SPECC1L: variants seen among roughly 807,000 people sequenced by gnomAD.
SPECC1L encodes cytospin-A.
A neutral mutation model predicts 116.8 loss-of-function variants in SPECC1L; 40 were observed. The observed-to-expected ratio is 0.34, with a 90% CI of 0.27 to 0.45. The LOEUF is 0.45. Ranked by LOEUF, SPECC1L falls within the 20% of genes least tolerant of loss-of-function variation. The pLI is 1.00. For synonymous variants in SPECC1L, 504 were observed against 500.6 expected (o/e 1.01, Z -0.09); for missense variants, 1,110 against 1,373.6 (o/e 0.81, Z 3.03).
rs191269809 is a variant in SPECC1L, at chr22:24,295,254, T to C, written c.-37-6941T>C. Among the ~76,000 whole-genome samples, 4 of 151,260 alleles carry C rather than the reference T, an allele frequency of 2.6e-5. No homozygotes were observed. The East Asian group carries it at 7.7e-4, about 29-fold the overall frequency. ...TCTTCACTCAATTAATATTTTAATA[T>C]TAAATTATGGCAAATATTTTAAATT... On this transcript the variant is annotated intron_variant, in intron 2 of 16. Transcript: ENST00000314328.
chr22:24,400,079 G>A (rs2042443695), intron 14 of SPECC1L, among the ~76,000 whole-genome samples: 1 of 152,162 alleles, frequency 6.6e-6, no homozygotes, highest in South Asian at 2.1e-4. Context: ...TTTTATTTGA[G>A]TAAAACATAT....
chr22:24,359,360 C>T (rs1470752382), intron 11 of SPECC1L, among the ~76,000 whole-genome samples: 1 of 152,154 alleles, frequency 6.6e-6, no homozygotes, highest in Admixed American at 6.5e-5. Context: ...CTTCTGCACT[C>T]TCTCTCTCAT....
intron 1 of SPECC1L, among the ~76,000 whole-genome samples, chr22:24,273,450 T>C (rs2048769638): frequency 6.6e-6 from 1 of 152,208 alleles, no homozygotes; most frequent in Non-Finnish European, 1.5e-5. Context: ...TTTTATGAAA[T>C]GATGGTGATA....
intron 14 of SPECC1L, among the ~76,000 whole-genome samples, chr22:24,398,337 A>G (rs776428965): frequency 1.3e-3 from 198 of 152,342 alleles, no homozygotes; most frequent in Non-Finnish European, 1.8e-3. Context: ...ATATGAGAAG[A>G]GTGAGACTCA....
At chr22:24,356,407 T>TTTA (rs748034306) in intron 11 of SPECC1L, among the ~76,000 whole-genome samples, 29 of 152,094 alleles carry the variant, frequency 1.9e-4, no homozygotes, top group African/African-American at 4.3e-4. Flanking sequence ...AACTAGCCCC[T>TTTA]TTATTATTAT....
At chr22:24,272,560 C>T (rs1411749876) in intron 1 of SPECC1L, among the ~76,000 whole-genome samples, 2 of 151,316 alleles carry the variant, frequency 1.3e-5, no homozygotes, top group African/African-American at 4.9e-5. Context: ...GTGATCCCAG[C>T]GGCTCGGGAG....
At chr22:24,281,057 G>A (rs4822483) in intron 2 of SPECC1L, among the ~76,000 whole-genome samples, 84,243 of 151,980 alleles carry the variant, frequency 0.55, 23,709 homozygotes, top group African/African-American at 0.64. Context: ...GGCCTGGGAA[G>A]CCAAGCCAGG....
At chr22:24,390,237 G>A in intron 14 of SPECC1L, among the ~76,000 whole-genome samples, 1 of 151,904 alleles carries the variant, frequency 6.6e-6, no homozygotes, top group African/African-American at 2.4e-5. Flanking sequence ...CACCTTCCTA[G>A]CGTCCTCTCT....
At position 24,414,815 on chromosome 22, in the gene SPECC1L, C is replaced by T; in HGVS notation, c.*192C>T. On this transcript the variant is annotated 3_prime_UTR_variant, in exon 17 of 17. Transcript: ENST00000314328. ...GTGGCCCACAGCTCCCACCAGGGCC[C>T]CTCCCACATGACCCGTCCATTCAGG... 1 of 617,124 alleles carries T rather than the reference C, an allele frequency of 1.6e-6. No individual in the cohort carries two copies. The highest frequency in any genetic ancestry group is 2.8e-5 in the East Asian group (1 of 35,390). 38.2% of individuals were successfully genotyped at this position (617,124 alleles called of 1,614,324 possible).
At chr22:24,302,763 G>C (rs1176080832) in intron 3 of SPECC1L, among the ~76,000 whole-genome samples, 1 of 152,160 alleles carries the variant, frequency 6.6e-6, no homozygotes, top group African/African-American at 2.4e-5. Context: ...GTAAAGCATT[G>C]TGAACAGTTT....
chr22:24,383,792 ATTTTTT>A (rs538972717), intron 14 of SPECC1L, among the ~76,000 whole-genome samples: 110 of 77,236 alleles, frequency 1.4e-3, no homozygotes, highest in South Asian at 2.2e-3. Flanking sequence ...ACCCACCACT[ATTTTTT>A]TTTTTTTTTT....
At chr22:24,345,221 T>G (rs886383150) in intron 10 of SPECC1L, among the ~76,000 whole-genome samples, 1 of 152,194 alleles carries the variant, frequency 6.6e-6, no homozygotes, top group African/African-American at 2.4e-5. Context: ...AAGGAATAGT[T>G]TTTTGAAGAA....
intron 11 of SPECC1L, among the ~76,000 whole-genome samples, chr22:24,348,978 C>G (rs541173494): frequency 1.1e-4 from 16 of 152,202 alleles, no homozygotes; most frequent in Non-Finnish European, 2.4e-4. Context: ...TAATACCACA[C>G]TCTTGTGCCT....
In SPECC1L at chr22:24,413,565, T is replaced by G. The variant is rs557730511; in HGVS notation, c.3264+858T>G. Among the ~76,000 whole-genome samples the G allele has an allele frequency of 2.0e-5, 3 of 152,326 alleles. No homozygotes were observed. In the South Asian group the frequency reaches 6.2e-4, roughly 32 times the overall value. The stretch of plus-strand genomic sequence containing the variant: ...AGTGTTTACGCCCATGTTCACTCAT[T>G]AGAGTCTTCATGCCACAGGTGCATC... On this transcript the variant is annotated intron_variant, in intron 16 of 16. Transcript: ENST00000314328.
intron 11 of SPECC1L, among the ~76,000 whole-genome samples, chr22:24,357,847 A>AC (rs1428755398): frequency 6.6e-6 from 1 of 152,176 alleles, no homozygotes; most frequent in East Asian, 1.9e-4. Flanking sequence ...TCAGACAGAG[A>AC]GCCTGTCTTA....
intron 14 of SPECC1L, among the ~76,000 whole-genome samples, chr22:24,378,956 G>T (rs2042015919): frequency 6.6e-6 from 1 of 152,084 alleles, no homozygotes; most frequent in South Asian, 2.1e-4. Flanking sequence ...GTTTGATACA[G>T]GATTGCCACA....
At chr22:24,293,221 C>T (rs1452183735) in intron 2 of SPECC1L, among the ~76,000 whole-genome samples, 1 of 152,062 alleles carries the variant, frequency 6.6e-6, no homozygotes, top group Non-Finnish European at 1.5e-5. Flanking sequence ...TTTGGGAGGC[C>T]GAGGCAGTCG....
At chr22:24,284,843 G>A (rs372532172) in intron 2 of SPECC1L, among the ~76,000 whole-genome samples, 41 of 152,318 alleles carry the variant, frequency 2.7e-4, no homozygotes, top group African/African-American at 9.6e-4. Context: ...AAGGATCAGA[G>A]AGATCGGTGT....
At position 24,328,764 on chromosome 22, in the gene SPECC1L, TATTTAA is replaced by T. The variant is rs528832739; in HGVS notation, c.2147-81_2147-76del. ...ACAGGATAACTTTTTTCGAATGTCA[TATTTAA>T]GTATCCCTTTTCTTTGTATTATTAC... On this transcript the variant is annotated intron_variant, in intron 6 of 16. Coordinates refer to ENST00000314328, the MANE Select transcript of SPECC1L (RefSeq NM_015330.6). The T allele has an allele frequency of 1.2e-3, 1,347 of 1,100,186 alleles. 2 individuals are homozygous for T. The highest frequency in any genetic ancestry group is 4.2e-3 in the Admixed American group (212 of 51,028). 68.2% of individuals were successfully genotyped at this position (1,100,186 alleles called of 1,614,324 possible). A position where few individuals can be genotyped will look rare whatever the true frequency, so the allele number is the denominator to read the frequency against.
Sources: allele counts gnomAD v4.1 joint callset (sites outside exome capture counted in the v4.1 genomes callset), GRCh38; gene constraint gnomAD v4.1.1; transcripts MANE v1.5; gene names NCBI Gene and HGNC (gene_info 2026-07-23, HGNC 2026-07-21).